Variants in LEMD3 observed in about 807,000 individuals in gnomAD.
LEMD3 encodes LEM domain containing 3.
LEMD3 carries 33 observed loss-of-function variants against 95.2 expected under a neutral mutation model. The observed-to-expected ratio is 0.35, with a 90% CI of 0.26 to 0.46. LEMD3 has a LOEUF of 0.46. Ranked by LOEUF, LEMD3 falls within the 20% of genes least tolerant of loss-of-function variation. LEMD3 has a pLI of 1.00. For synonymous variants in LEMD3, 525 were observed against 474.6 expected, an observed-to-expected ratio of 1.11 and a Z score of -1.38; for missense variants, 1,210 against 1,192.8, an observed-to-expected ratio of 1.01 and a Z score of -0.21.
intron 4 of LEMD3, among the ~76,000 whole-genome samples, chr12:65,220,121 C>T (rs935810832): frequency 1.4e-4 from 21 of 152,132 alleles, no homozygotes; most frequent in Non-Finnish European, 1.5e-4. Context: ...TGAGGAACCT[C>T]CATACTGTTT....
intron 1 of LEMD3, among the ~76,000 whole-genome samples, chr12:65,175,968 C>T (rs1224645182): frequency 6.6e-6 from 1 of 152,180 alleles, no homozygotes; most frequent in Non-Finnish European, 1.5e-5. Context: ...CACCTTCCTA[C>T]AAACCCCCAA....
chr12:65,176,782 T>A (rs1263210473), intron 1 of LEMD3, among the ~76,000 whole-genome samples: 1 of 152,192 alleles, frequency 6.6e-6, no homozygotes, highest in East Asian at 1.9e-4. Flanking sequence ...TCTAAACTAG[T>A]GTTGTCTGGC....
intron 1 of LEMD3, among the ~76,000 whole-genome samples, chr12:65,179,830 A>G (rs909381038): frequency 2.0e-5 from 3 of 152,230 alleles, no homozygotes; most frequent in Admixed American, 6.5e-5. Flanking sequence ...AATTGCTGCC[A>G]TTTAATATGG....
intron 1 of LEMD3, among the ~76,000 whole-genome samples, chr12:65,176,082 CTT>C (rs1208979526): frequency 6.6e-6 from 1 of 152,182 alleles, no homozygotes; most frequent in African/African-American, 2.4e-5. Context: ...TGCCTGAACT[CTT>C]TCAGTAACCT....
chr12:65,244,864 T>C (rs1014376950), intron 10 of LEMD3, among the ~76,000 whole-genome samples: 3 of 151,826 alleles, frequency 2.0e-5, no homozygotes, highest in African/African-American at 7.3e-5. Flanking sequence ...GGTGGGAGAA[T>C]GGTTTGAGCC....
intron 1 of LEMD3, among the ~76,000 whole-genome samples, chr12:65,181,458 C>G (rs959485715): frequency 3.9e-5 from 6 of 152,094 alleles, no homozygotes; most frequent in African/African-American, 1.2e-4. Flanking sequence ...CTTCTTTTTC[C>G]TAAATATTTC....
chr12:65,180,346 A>G (rs1592430828), intron 1 of LEMD3, among the ~76,000 whole-genome samples: 1 of 148,986 alleles, frequency 6.7e-6, no homozygotes, highest in Admixed American at 6.7e-5. Context: ...ATCAGTTTAT[A>G]TATTATATAT....
At position 65,181,823 on chromosome 12, in the gene LEMD3, T is replaced by C. The variant is rs538229970; in HGVS notation, c.1522+10705T>C. Reference sequence around the variant, plus strand: ...ATGAATTTGCCAAAAATGAAAATGTTATAAAATCTGAACATTTATGATTAT... The same window carrying C: ...ATGAATTTGCCAAAAATGAAAATGTCATAAAATCTGAACATTTATGATTAT... On this transcript the variant is annotated intron_variant, in intron 1 of 12. Transcript: ENST00000308330. Among the ~76,000 whole-genome samples, 4 of 152,238 alleles carry C rather than the reference T, an allele frequency of 2.6e-5. No homozygotes were observed. The East Asian group carries it at 7.7e-4, about 29-fold the overall frequency.
intron 2 of LEMD3, among the ~76,000 whole-genome samples, chr12:65,214,708 C>T (rs1394287824): frequency 1.3e-5 from 2 of 152,114 alleles, no homozygotes; most frequent in Non-Finnish European, 2.9e-5. Context: ...ATGATCTGTT[C>T]ATCCAGTAAA....
chr12:65,208,907 G>C (rs935455695), intron 1 of LEMD3, among the ~76,000 whole-genome samples: 5 of 152,050 alleles, frequency 3.3e-5, no homozygotes, highest in African/African-American at 1.2e-4. Flanking sequence ...AAGGATACTA[G>C]GGGTAGAGCA....
chr12:65,194,888 A>AATTAT (rs1407188410), intron 1 of LEMD3, among the ~76,000 whole-genome samples: 133 of 69,572 alleles, frequency 1.9e-3, no homozygotes, highest in Middle Eastern at 0.015. Context: ...ATAATTTATA[A>AATTAT]AATTAAAATA....
In LEMD3 at chr12:65,170,567, C is replaced by T; in HGVS notation, c.971C>T (p.Ala324Val). The T allele has an allele frequency of 6.2e-7, 1 of 1,613,976 alleles. No individual in the cohort carries two copies. Among genetic ancestry groups the T allele is most frequent in the Non-Finnish European group, 8.5e-7 (1 of 1,179,956 alleles). The part of the protein sequence containing the change: ...GGLAMNDRAA[A>V]AGSLDRSRNL... The stretch of plus-strand genomic sequence containing the variant: ...CTCGCGATGAATGACAGGGCGGCGG[C>T]TGCCGGGAGTCTAGACAGGAGCCGA... The change falls in exon 1 of 13, where the codon GCT becomes GTT. Residue 324 changes from alanine to valine, a missense_variant. Physicochemically the swap from Ala to Val is moderately conservative, Grantham distance 64. Transcript: ENST00000308330.
intron 1 of LEMD3, among the ~76,000 whole-genome samples, chr12:65,191,823 G>A (rs1565783439): frequency 6.7e-6 from 1 of 150,222 alleles, no homozygotes; most frequent in African/African-American, 2.4e-5. Flanking sequence ...TACTCAGAAG[G>A]CTGAGGCAGG....
At chr12:65,184,956 C>T (rs1869014937) in intron 1 of LEMD3, among the ~76,000 whole-genome samples, 1 of 151,986 alleles carries the variant, frequency 6.6e-6, no homozygotes, top group African/African-American at 2.4e-5. Context: ...TCCAACTCCC[C>T]CTATTCCCTC....
chr12:65,183,235 T>C (rs1194332791), intron 1 of LEMD3, among the ~76,000 whole-genome samples: 1 of 152,186 alleles, frequency 6.6e-6, no homozygotes, highest in African/African-American at 2.4e-5. Context: ...ATAATCAATA[T>C]AAAAGTTTTT....
chr12:65,207,351 G>A (rs981092576), intron 1 of LEMD3, among the ~76,000 whole-genome samples: 10 of 152,074 alleles, frequency 6.6e-5, no homozygotes, highest in African/African-American at 2.2e-4. Context: ...CGATATTGCA[G>A]TCTTGTTGGG....
At chr12:65,201,053 A>C (rs1869585604) in intron 1 of LEMD3, among the ~76,000 whole-genome samples, 1 of 152,104 alleles carries the variant, frequency 6.6e-6, no homozygotes, top group Non-Finnish European at 1.5e-5. Flanking sequence ...TGTTGAAAAA[A>C]CTATCTTTGC....
At chr12:65,229,787 G>T (rs190537990) in intron 4 of LEMD3, among the ~76,000 whole-genome samples, 1 of 152,224 alleles carries the variant, frequency 6.6e-6, no homozygotes, top group East Asian at 1.9e-4. Context: ...CATTCTACTA[G>T]TCATCTCTTC....
At chr12:65,189,909 A>G (rs1869185196) in intron 1 of LEMD3, among the ~76,000 whole-genome samples, 2 of 152,102 alleles carry the variant, frequency 1.3e-5, no homozygotes, top group African/African-American at 4.8e-5. Flanking sequence ...ATAGATTTGG[A>G]TGAATTCCTC....
Sources: gnomAD v4.1 joint callset for allele counts (sites outside exome capture counted in the v4.1 genomes callset) on GRCh38, gnomAD v4.1.1 for gene constraint, MANE v1.5 for transcripts, NCBI Gene and HGNC (gene_info 2026-07-23, HGNC 2026-07-21) for gene names.